The following RIPOR2 variants were observed in gnomAD, a reference collection of about 807,000 sequenced individuals.
RIPOR2 encodes rho family-interacting cell polarization regulator 2.
Under a neutral mutation model 114.5 loss-of-function variants are expected in RIPOR2, and 39 were observed. That is an observed-to-expected ratio of 0.34 (90% confidence interval 0.26 to 0.44). The LOEUF (loss-of-function observed/expected upper bound fraction) is 0.44, where lower values mean the gene tolerates loss of function less well. Ranked by LOEUF, RIPOR2 falls within the 20% of genes least tolerant of loss-of-function variation. The probability of loss-of-function intolerance (pLI) is 1.00; values close to 1 mark genes in which losing one functional copy is unlikely to be tolerated. For synonymous variants in RIPOR2, 445 were observed against 484.4 expected (o/e 0.92, Z 1.07); for missense variants, 1,007 against 1,255.1 (o/e 0.80, Z 2.99).
intron 1 of RIPOR2, among the ~76,000 whole-genome samples, chr6:24,989,765 C>T (rs1774707031): frequency 6.6e-6 from 1 of 151,876 alleles, no homozygotes. Context: ...AATACCCTGG[C>T]TGGGCGCGGT....
chr6:24,974,727 A>C (rs565708711), intron 1 of RIPOR2, among the ~76,000 whole-genome samples: 3 of 152,264 alleles, frequency 2.0e-5, no homozygotes, highest in African/African-American at 7.2e-5. Flanking sequence ...ATTATTCATC[A>C]TAGCCAAAAA....
chr6:24,978,733 A>G (rs150584433), intron 1 of RIPOR2, among the ~76,000 whole-genome samples: 1,694 of 152,272 alleles, frequency 0.011, 28 homozygotes, highest in African/African-American at 0.036. Flanking sequence ...TATTTAATCA[A>G]TCTATCCTTT....
chr6:24,847,590 A>C, intron 12 of RIPOR2: 1 of 1,551,744 alleles, frequency 6.4e-7, no homozygotes, highest in Non-Finnish European at 8.7e-7. Flanking sequence ...AGGGCAGGTC[A>C]CTGAAGGAGC....
chr6:25,039,155 G>A (rs1458974226), intron 1 of RIPOR2, among the ~76,000 whole-genome samples: 1 of 152,252 alleles, frequency 6.6e-6, no homozygotes, highest in African/African-American at 2.4e-5. Flanking sequence ...AAGCTTCAGA[G>A]AAAGAAGACA....
chr6:24,924,922 GAA>G (rs1345817750), intron 1 of RIPOR2, among the ~76,000 whole-genome samples: 1 of 151,996 alleles, frequency 6.6e-6, no homozygotes, highest in Non-Finnish European at 1.5e-5. Flanking sequence ...TAACAAGAAA[GAA>G]AATAAAATTT....
intron 1 of RIPOR2, among the ~76,000 whole-genome samples, chr6:24,963,222 G>A (rs141358212): frequency 1.6e-4 from 24 of 152,120 alleles, no homozygotes; most frequent in Non-Finnish European, 3.1e-4. Flanking sequence ...TAGCAGAGAC[G>A]GGGTTTCACC....
Position 25,015,896 on chromosome 6 carries a change from G to GTTTTTTTTTTT in RIPOR2, c.76+25944_76+25954dup, listed in dbSNP as rs869301317. ...TCCCCTTAAAAACGCAGGTTTTTTG[G>GTTTTTTTTTTT]TTTTTTTTTTTTTTTTTTTTTTTTT... On this transcript the variant is annotated intron_variant, in intron 1 of 13. Transcript: ENST00000510784. 41 of 45,836 alleles carry GTTTTTTTTTTT rather than the reference G, an allele frequency of 8.9e-4. 8 individuals carry two copies. Among genetic ancestry groups the GTTTTTTTTTTT allele is most frequent in the African/African-American group, 2.6e-3 (37 of 14,068 alleles). The allele number at this position is 45,836 out of a possible 1,614,324, so 2.8% of individuals were successfully genotyped here.
In RIPOR2 at chr6:25,041,861, G is replaced by A. The variant is rs573624240; in HGVS notation, c.66C>T (p.Arg22=). 4 of 702,784 alleles carry A rather than the reference G, an allele frequency of 5.7e-6. No individual in the cohort carries two copies. The East Asian group carries it at 8.1e-5, about 14-fold the overall frequency. 43.5% of individuals were successfully genotyped at this position (702,784 alleles called of 1,614,324 possible). A position where few individuals can be genotyped will look rare whatever the true frequency, so the allele number is the denominator to read the frequency against. The change falls in exon 1 of 14, where the codon CGC becomes CGT. Residue 22 remains arginine, a synonymous_variant. Coordinates refer to the RIPOR2 transcript ENST00000510784. ...AGACGGGACACTCACGGTTGAGCTG[G>A]CGCCTCCGGATCCTGTCCCTCCATG...
At chr6:25,016,060 T>C (rs1450208398) in intron 1 of RIPOR2, among the ~76,000 whole-genome samples, 2 of 151,788 alleles carry the variant, frequency 1.3e-5, no homozygotes, top group African/African-American at 4.8e-5. Flanking sequence ...GGCGCCATCA[T>C]GCCTAGCTAA....
At chr6:24,906,835 C>T (rs749562763) in intron 1 of RIPOR2, among the ~76,000 whole-genome samples, 16 of 151,926 alleles carry the variant, frequency 1.1e-4, no homozygotes, top group Non-Finnish European at 1.8e-4. Context: ...GATGGGGTTT[C>T]ACCATGTTGC....
At chr6:25,020,595 C>T (rs952470246) in intron 1 of RIPOR2, among the ~76,000 whole-genome samples, 1 of 152,224 alleles carries the variant, frequency 6.6e-6, no homozygotes, top group Admixed American at 6.5e-5. Flanking sequence ...CTGGCAATTT[C>T]TGATTTTTGA....
At chr6:24,930,747 G>A (rs1013968501) in intron 1 of RIPOR2, among the ~76,000 whole-genome samples, 2 of 152,120 alleles carry the variant, frequency 1.3e-5, no homozygotes, top group Admixed American at 1.3e-4. Context: ...GGAATTCGGG[G>A]GTGGAAATTG....
chr6:24,953,299 T>C (rs408655), intron 1 of RIPOR2, among the ~76,000 whole-genome samples: 123,595 of 151,980 alleles, frequency 0.81, 53,460 homozygotes, highest in East Asian at 0.96. Context: ...TGCCATTGAA[T>C]TGCAGCCTGG....
At chr6:24,962,838 T>G (rs529279586) in intron 1 of RIPOR2, among the ~76,000 whole-genome samples, 4 of 152,018 alleles carry the variant, frequency 2.6e-5, no homozygotes, top group African/African-American at 9.6e-5. Flanking sequence ...TGTTGGAGAG[T>G]GAATTTGCTT....
At chr6:24,962,635 TGG>T (rs1773356844) in intron 1 of RIPOR2, among the ~76,000 whole-genome samples, 1 of 149,774 alleles carries the variant, frequency 6.7e-6, no homozygotes, top group South Asian at 2.1e-4. Flanking sequence ...AGAAACTTCA[TGG>T]TTTTTTTTTA....
chr6:25,030,069 A>G (rs1230441653), intron 1 of RIPOR2, among the ~76,000 whole-genome samples: 1 of 151,984 alleles, frequency 6.6e-6, no homozygotes, highest in Non-Finnish European at 1.5e-5. Context: ...AGCCTCCACT[A>G]TAGTGTCTCT....
In RIPOR2 at chr6:24,845,964, G is replaced by A. The variant is rs551085039; in HGVS notation, c.1164+2061C>T. 5.9e-5 allele frequency among the ~76,000 whole-genome samples: 9 copies of A among 152,268 alleles called. No individual in the cohort carries two copies. In the South Asian group the frequency reaches 1.5e-3, roughly 25 times the overall value. ...GCAGAGGATAGAGAGTGAAAACGTG[G>A]GATGGGCTTGTGGTGGGCTGTGGCC... is the stretch of plus-strand genomic sequence containing the variant. On this transcript the variant is annotated intron_variant, in intron 12 of 21. Coordinates refer to ENST00000643898, the MANE Select transcript of RIPOR2 (RefSeq NM_001286445.3).
chr6:24,871,764 C>A (rs1028066728), intron 4 of RIPOR2, among the ~76,000 whole-genome samples: 1 of 152,158 alleles, frequency 6.6e-6, no homozygotes, highest in African/African-American at 2.4e-5. Context: ...ATCCTCATAT[C>A]CTCTAATTGA....
In RIPOR2 at chr6:24,914,731, C is replaced by T. The variant is rs367987848; in HGVS notation, c.61+21107G>A. ...CAAGTCTTATGGTTCTTACTGCCATCGATCAATCCTAGTAAATACACAATT... is the reference window on the plus strand; with the variant it reads ...CAAGTCTTATGGTTCTTACTGCCATTGATCAATCCTAGTAAATACACAATT... On this transcript the variant is annotated intron_variant, in intron 1 of 21. Transcript: ENST00000643898. Among the ~76,000 whole-genome samples the T allele has an allele frequency of 1.2e-4, 18 of 152,294 alleles. No homozygotes were observed. The East Asian group carries it at 1.4e-3, about 11-fold the overall frequency.
Sources: allele counts gnomAD v4.1 joint callset (sites outside exome capture counted in the v4.1 genomes callset), GRCh38; gene constraint gnomAD v4.1.1; transcripts MANE v1.5; gene names NCBI Gene and HGNC (gene_info 2026-07-23, HGNC 2026-07-21).